CHRM3: variants seen among roughly 807,000 people sequenced by gnomAD.
CHRM3 encodes the protein muscarinic acetylcholine receptor M3.
Under a neutral mutation model 41.8 loss-of-function variants are expected in CHRM3, and 11 were observed. That is an observed-to-expected ratio of 0.26 (90% CI 0.17 to 0.44). The LOEUF is 0.44. CHRM3 is among the 20% of genes least tolerant of loss of function. The pLI is 1.00. For synonymous variants in CHRM3, 297 were observed against 301.4 expected, an observed-to-expected ratio of 0.99 and a Z score of 0.15; for missense variants, 571 against 745.4, an observed-to-expected ratio of 0.77 and a Z score of 2.72.
intron 2 of CHRM3, among the ~76,000 whole-genome samples, chr1:239,518,286 C>A (rs113360483): frequency 3.4e-4 from 51 of 152,168 alleles, no homozygotes; most frequent in African/African-American, 1.1e-3. Flanking sequence ...GTAATGGAAG[C>A]CTTTCACCTC....
chr1:239,887,638 C>T (rs757015462), intron 6 of CHRM3, among the ~76,000 whole-genome samples: 5 of 152,098 alleles, frequency 3.3e-5, no homozygotes, highest in East Asian at 1.9e-4. Flanking sequence ...GCATTTTATT[C>T]GCATCTGTTG....
chr1:239,724,466 T>C (rs1396097684), intron 5 of CHRM3, among the ~76,000 whole-genome samples: 1 of 151,962 alleles, frequency 6.6e-6, no homozygotes, highest in African/African-American at 2.4e-5. Flanking sequence ...CATTTAATTG[T>C]TTGTGCATTG....
At chr1:239,561,769 A>G (rs542154496) in intron 3 of CHRM3, among the ~76,000 whole-genome samples, 25 of 152,290 alleles carry the variant, frequency 1.6e-4, no homozygotes, top group African/African-American at 6.0e-4. Flanking sequence ...TAGAGAAAAT[A>G]CCTGGACTCT....
At chr1:239,743,806 T>TA (rs1214925457) in intron 5 of CHRM3, among the ~76,000 whole-genome samples, 2 of 140,868 alleles carry the variant, frequency 1.4e-5, no homozygotes, top group Non-Finnish European at 3.1e-5. Flanking sequence ...TTTTTTTTTT[T>TA]TTTTGAGGCA....
chr1:239,588,616 A>G (rs1384518044), intron 3 of CHRM3, among the ~76,000 whole-genome samples: 2 of 152,180 alleles, frequency 1.3e-5, no homozygotes, highest in Non-Finnish European at 2.9e-5. Flanking sequence ...GAGGCCCTTC[A>G]AAACATATTT....
intron 3 of CHRM3, among the ~76,000 whole-genome samples, chr1:239,597,431 G>A (rs1664907318): frequency 6.6e-6 from 1 of 152,152 alleles, no homozygotes; most frequent in Admixed American, 6.5e-5. Flanking sequence ...TCTTGTCCAA[G>A]TTATTAAGCC....
chr1:239,399,097 T>C (rs950808911), intron 1 of CHRM3, among the ~76,000 whole-genome samples: 6 of 152,296 alleles, frequency 3.9e-5, no homozygotes, highest in African/African-American at 7.2e-5. Context: ...CAATGCAAGA[T>C]ATCCTGAAGA....
intron 1 of CHRM3, among the ~76,000 whole-genome samples, chr1:239,441,464 C>T (rs1663712422): frequency 6.6e-6 from 1 of 152,074 alleles, no homozygotes; most frequent in Non-Finnish European, 1.5e-5. Context: ...ACAGAAATTC[C>T]AATATTTGTC....
chr1:239,770,899 C>A (rs1667607631), intron 5 of CHRM3, among the ~76,000 whole-genome samples: 1 of 151,992 alleles, frequency 6.6e-6, no homozygotes, highest in South Asian at 2.1e-4. Flanking sequence ...CCAGCCTGAT[C>A]AAAAATGGTA....
intron 2 of CHRM3, among the ~76,000 whole-genome samples, chr1:239,522,850 GA>G (rs1355281910): frequency 6.6e-6 from 1 of 152,178 alleles, no homozygotes; most frequent in Non-Finnish European, 1.5e-5. Flanking sequence ...GTCATACGCA[GA>G]AAATGTAGTG....
At chr1:239,695,043 G>A (rs1216959947) in intron 5 of CHRM3, among the ~76,000 whole-genome samples, 3 of 152,228 alleles carry the variant, frequency 2.0e-5, no homozygotes, top group East Asian at 3.9e-4. Context: ...ACGGAGTCTC[G>A]CTCTGTTGCC....
chr1:239,730,639 G>T (rs1216630288), intron 5 of CHRM3, among the ~76,000 whole-genome samples: 1 of 151,958 alleles, frequency 6.6e-6, no homozygotes, highest in Non-Finnish European at 1.5e-5. Flanking sequence ...CCATGTTCTA[G>T]GAGCTGCAAG....
intron 1 of CHRM3, among the ~76,000 whole-genome samples, chr1:239,389,933 A>G (rs1658876580): frequency 6.6e-6 from 1 of 152,172 alleles, no homozygotes; most frequent in Non-Finnish European, 1.5e-5. Context: ...ATAGGAGATG[A>G]ATGAACCGTG....
intron 4 of CHRM3, among the ~76,000 whole-genome samples, chr1:239,643,583 T>C (rs1267146019): frequency 1.3e-5 from 2 of 152,302 alleles, no homozygotes; most frequent in Non-Finnish European, 2.9e-5. Context: ...AGGTGCGGGA[T>C]ATAATCTCCT....
At chr1:239,729,165 CTT>C (rs1663725862) in intron 5 of CHRM3, among the ~76,000 whole-genome samples, 1 of 151,950 alleles carries the variant, frequency 6.6e-6, no homozygotes, top group Non-Finnish European at 1.5e-5. Flanking sequence ...TTCACTACCC[CTT>C]GCTCATCACA....
intron 3 of CHRM3, among the ~76,000 whole-genome samples, chr1:239,623,505 T>TA (rs1245765890): frequency 4.8e-5 from 7 of 146,862 alleles, no homozygotes; most frequent in Middle Eastern, 3.6e-3. Flanking sequence ...TTAATTTTTT[T>TA]TTTTTATTAT....
At chr1:239,723,877 C>T (rs1209006654) in intron 5 of CHRM3, among the ~76,000 whole-genome samples, 1 of 151,848 alleles carries the variant, frequency 6.6e-6, no homozygotes, top group Non-Finnish European at 1.5e-5. Flanking sequence ...ATCCTGTCTG[C>T]AGCAGTTCAA....
intron 6 of CHRM3, among the ~76,000 whole-genome samples, chr1:239,900,521 T>G (rs4620530): frequency 0.45 from 68,396 of 151,636 alleles, 18,322 homozygotes; most frequent in East Asian, 0.75. Context: ...CTCGGAGAAG[T>G]TCATAGAAAA....
At chr1:239,581,555 A>G (rs1662902745) in intron 3 of CHRM3, among the ~76,000 whole-genome samples, 1 of 152,116 alleles carries the variant, frequency 6.6e-6, no homozygotes, top group Non-Finnish European at 1.5e-5. Flanking sequence ...TGTGCTGGTC[A>G]CCTTTTGGGT....
Sources: gnomAD v4.1 joint callset for allele counts (sites outside exome capture counted in the v4.1 genomes callset) on GRCh38, gnomAD v4.1.1 for gene constraint, MANE v1.5 for transcripts, NCBI Gene and HGNC (gene_info 2026-07-23, HGNC 2026-07-21) for gene names.